FRMD4B: variants seen among roughly 807,000 people sequenced by gnomAD.
FRMD4B encodes FERM domain-containing protein 4B.
A neutral mutation model predicts 141.5 loss-of-function variants in FRMD4B; 74 were observed. The ratio of observed to expected loss-of-function variants is 0.52; its 90% confidence interval spans 0.43 to 0.63. The LOEUF (loss-of-function observed/expected upper bound fraction) is 0.63. Among genes scored for constraint, FRMD4B ranks in the 30% least tolerant of loss-of-function variants. FRMD4B has a pLI of 0.00. For missense variants in FRMD4B, 1,366 were observed against 1,253.4 expected (o/e 1.09, Z -1.36); for synonymous variants, 506 against 467.9 (o/e 1.08, Z -1.05).
intron 5 of FRMD4B, among the ~76,000 whole-genome samples, chr3:69,255,835 C>T (rs746787201): frequency 6.6e-6 from 1 of 152,088 alleles, no homozygotes; most frequent in Non-Finnish European, 1.5e-5. Context: ...TAGAGGAAAT[C>T]GATGACCACA....
intron 1 of FRMD4B, among the ~76,000 whole-genome samples, chr3:69,436,883 T>A (rs1457991163): frequency 6.6e-6 from 1 of 151,894 alleles, no homozygotes; most frequent in Non-Finnish European, 1.5e-5. Flanking sequence ...TTACATGGAG[T>A]GATTAGTATC....
intron 21 of FRMD4B, among the ~76,000 whole-genome samples, chr3:69,179,211 G>A (rs2107584715): frequency 6.6e-6 from 1 of 152,174 alleles, no homozygotes; most frequent in East Asian, 1.9e-4. Context: ...CACCAGGTCT[G>A]AAACAGGAAG....
chr3:69,343,645 T>A (rs1288696981), intron 1 of FRMD4B, among the ~76,000 whole-genome samples: 1 of 148,538 alleles, frequency 6.7e-6, no homozygotes, highest in Non-Finnish European at 1.5e-5. Flanking sequence ...AGTGGTGTGA[T>A]CCCGGCTCAC....
intron 1 of FRMD4B, among the ~76,000 whole-genome samples, chr3:69,503,396 G>A (rs1032294306): frequency 4.6e-5 from 7 of 152,128 alleles, no homozygotes; most frequent in African/African-American, 1.7e-4. Flanking sequence ...GGACATGGAT[G>A]AAGCTGGAAA....
intron 11 of FRMD4B, among the ~76,000 whole-genome samples, chr3:69,207,346 C>T (rs6771291): frequency 6.7e-6 from 1 of 150,126 alleles, no homozygotes; most frequent in African/African-American, 2.4e-5. Context: ...GAAAATAAAT[C>T]TTTACTGTTT....
chr3:69,410,716 TAAATAAATAA>T (rs1367803349), intron 2 of FRMD4B, among the ~76,000 whole-genome samples: 1 of 66,034 alleles, frequency 1.5e-5, no homozygotes, highest in Admixed American at 2.1e-4. Context: ...TATAAATAAA[TAAATAAATAA>T]ATATATATAT....
chr3:69,335,539 T>C (rs1258056290), intron 1 of FRMD4B, among the ~76,000 whole-genome samples: 1 of 151,750 alleles, frequency 6.6e-6, no homozygotes, highest in Non-Finnish European at 1.5e-5. Flanking sequence ...GCCTGGCTAA[T>C]TTTTGCATCC....
chr3:69,268,223 G>A (rs77627712), intron 5 of FRMD4B, among the ~76,000 whole-genome samples: 5,249 of 151,968 alleles, frequency 0.035, 158 homozygotes, highest in East Asian at 0.1. Context: ...TTCAAAGTAA[G>A]GGAGTGAGTG....
intron 7 of FRMD4B, among the ~76,000 whole-genome samples, chr3:69,229,247 A>G (rs936131695): frequency 1.3e-5 from 2 of 151,974 alleles, no homozygotes; most frequent in African/African-American, 4.8e-5. Flanking sequence ...GCTGATCTCA[A>G]ACTCCTGGCC....
Position 69,522,351 on chromosome 3 carries a change from A to C in FRMD4B, c.-129+19855T>G, listed in dbSNP as rs112814754. On this transcript the variant is annotated intron_variant, in intron 1 of 5. Coordinates refer to the FRMD4B transcript ENST00000459638. ...AGGCCCTAGATCTTCTCTATCCAGA[A>C]GTCAGATGAGGGCAAAAAGTCAGGA... Among the ~76,000 whole-genome samples, 1,290 of 151,708 alleles carry C rather than the reference A, an allele frequency of 8.5e-3. 21 individuals carry two copies. The highest frequency in any genetic ancestry group is 0.029 in the African/African-American group (1,188 of 41,080).
intron 1 of FRMD4B, among the ~76,000 whole-genome samples, chr3:69,363,624 C>T (rs1332313531): frequency 1.3e-5 from 2 of 151,622 alleles, no homozygotes; most frequent in Non-Finnish European, 2.9e-5. Context: ...CTCCTGACCT[C>T]GTGATCCGCC....
intron 5 of FRMD4B, among the ~76,000 whole-genome samples, chr3:69,256,164 A>G (rs2093491714): frequency 1.3e-5 from 2 of 152,170 alleles, no homozygotes; most frequent in African/African-American, 2.4e-5. Context: ...ACTTTGGTTT[A>G]CTGCCAAGCC....
At chr3:69,328,862 A>G (rs2107320001) in intron 1 of FRMD4B, among the ~76,000 whole-genome samples, 1 of 152,012 alleles carries the variant, frequency 6.6e-6, no homozygotes, top group East Asian at 1.9e-4. Flanking sequence ...TTCATGAATA[A>G]CCCACCCCTT....
At chr3:69,400,031 T>C (rs998082655) in intron 2 of FRMD4B, among the ~76,000 whole-genome samples, 1 of 152,094 alleles carries the variant, frequency 6.6e-6, no homozygotes, top group African/African-American at 2.4e-5. Flanking sequence ...ACCTGTTAAT[T>C]GAGCAGATGG....
intron 1 of FRMD4B, chr3:69,472,314 TGCA>T: frequency 1.2e-5 from 5 of 433,536 alleles, no homozygotes; most frequent in Admixed American, 5.1e-5. Flanking sequence ...TTTTTTTCTT[TGCA>T]TATTACAGAT....
chr3:69,272,326 G>A (rs2093598111), intron 5 of FRMD4B, among the ~76,000 whole-genome samples: 1 of 152,100 alleles, frequency 6.6e-6, no homozygotes, highest in Non-Finnish European at 1.5e-5. Flanking sequence ...GTTTTTAGTA[G>A]AGATGGTTAA....
intron 1 of FRMD4B, among the ~76,000 whole-genome samples, chr3:69,443,329 C>T (rs1241127355): frequency 6.6e-6 from 1 of 152,182 alleles, no homozygotes; most frequent in Admixed American, 6.5e-5. Flanking sequence ...ACTCCACTGG[C>T]ACAGAAACTC....
chr3:69,407,107 G>A (rs1704662126), intron 2 of FRMD4B, among the ~76,000 whole-genome samples: 1 of 151,962 alleles, frequency 6.6e-6, no homozygotes, highest in Non-Finnish European at 1.5e-5. Flanking sequence ...GAATCTTCCT[G>A]AAATTTGCAT....
rs372813083 is a variant in FRMD4B, at chr3:69,346,324, G to A, written c.163-32807C>T. On this transcript the variant is annotated intron_variant, in intron 1 of 22. Coordinates refer to ENST00000398540, the MANE Select transcript of FRMD4B (RefSeq NM_015123.3). The stretch of plus-strand genomic sequence containing the variant: ...TGAACAAAGCCTCCAAGAAATATGG[G>A]ACTATGTGAAAAGACCAAATCTAGG... Among the ~76,000 whole-genome samples the A allele has an allele frequency of 1.1e-4, 17 of 152,142 alleles. No individual in the cohort carries two copies. The East Asian group carries it at 1.4e-3, about 12-fold the overall frequency.
Sources: allele counts gnomAD v4.1 joint callset (sites outside exome capture counted in the v4.1 genomes callset), GRCh38; gene constraint gnomAD v4.1.1; transcripts MANE v1.5; gene names NCBI Gene and HGNC (gene_info 2026-07-23, HGNC 2026-07-21).